Variants in CTDSPL observed in about 807,000 individuals in gnomAD.
CTDSPL encodes CTD small phosphatase-like protein.
CTDSPL carries 8 observed loss-of-function variants against 30.5 expected under a neutral mutation model. That is an observed-to-expected ratio of 0.26 (90% CI 0.15 to 0.47). CTDSPL has a LOEUF of 0.47. Among genes scored for constraint, CTDSPL ranks in the 20% least tolerant of loss-of-function variants. CTDSPL has a pLI of 0.99. For missense variants in CTDSPL, 248 were observed against 366.1 expected, an observed-to-expected ratio of 0.68 and a Z score of 2.63; for synonymous variants, 110 against 137.9, an observed-to-expected ratio of 0.80 and a Z score of 1.42.
intron 1 of CTDSPL, among the ~76,000 whole-genome samples, chr3:37,874,236 T>C (rs541273932): frequency 7.7e-4 from 118 of 152,318 alleles, no homozygotes; most frequent in African/African-American, 2.6e-3. Flanking sequence ...AGAACCCCGT[T>C]TGGCATGGCA....
chr3:37,876,492 T>A (rs1698135972), intron 1 of CTDSPL, among the ~76,000 whole-genome samples: 1 of 152,200 alleles, frequency 6.6e-6, no homozygotes, highest in Admixed American at 6.5e-5. Context: ...TGTCAGTTTT[T>A]AAATTTTAGC....
chr3:37,863,045 G>GAT (rs1697963272), intron 1 of CTDSPL, among the ~76,000 whole-genome samples: 1 of 152,204 alleles, frequency 6.6e-6, no homozygotes, highest in African/African-American at 2.4e-5. Context: ...CCATGTGTCT[G>GAT]GGTGTGTTTA....
intron 3 of CTDSPL, among the ~76,000 whole-genome samples, chr3:37,958,098 A>G (rs993004481): frequency 6.6e-6 from 1 of 152,252 alleles, no homozygotes; most frequent in Non-Finnish European, 1.5e-5. Flanking sequence ...GGGAACATAC[A>G]ATAGACACAG....
At chr3:37,938,603 C>T (rs1164871589) in intron 1 of CTDSPL, among the ~76,000 whole-genome samples, 2 of 149,896 alleles carry the variant, frequency 1.3e-5, no homozygotes, top group South Asian at 4.3e-4. Context: ...CTTCTTGGGC[C>T]ACTGAAGGAC....
intron 1 of CTDSPL, among the ~76,000 whole-genome samples, chr3:37,876,310 A>G (rs985642409): frequency 6.6e-6 from 1 of 152,160 alleles, no homozygotes; most frequent in Non-Finnish European, 1.5e-5. Context: ...AACCCAGGTT[A>G]AAAAGTTTCA....
chr3:37,874,456 C>T lies in CTDSPL; in HGVS notation c.79+12178C>T, dbSNP rs146084932. On this transcript the variant is annotated intron_variant, in intron 1 of 7. Coordinates refer to ENST00000273179, the MANE Select transcript of CTDSPL (RefSeq NM_001008392.2). ...ATTTAAATACAGACACAAGGCCGGG[C>T]GCGGTGGCTCAATGCCTGTAATCCC... is the stretch of plus-strand genomic sequence containing the variant. Among the ~76,000 whole-genome samples, 597 of 152,270 alleles carry T rather than the reference C, an allele frequency of 3.9e-3. 1 individual carries two copies. The highest frequency in any genetic ancestry group is 5.9e-3 in the Non-Finnish European group (403 of 68,016).
chr3:37,864,279 C>T (rs1284416599), intron 1 of CTDSPL, among the ~76,000 whole-genome samples: 1 of 152,230 alleles, frequency 6.6e-6, no homozygotes, highest in Non-Finnish European at 1.5e-5. Flanking sequence ...TGCCAACTTT[C>T]CCTTTTCCTC....
At chr3:37,936,569 A>G (rs967226745) in intron 1 of CTDSPL, among the ~76,000 whole-genome samples, 1 of 150,698 alleles carries the variant, frequency 6.6e-6, no homozygotes. Context: ...TGCATTCCAG[A>G]GATTACGGCC....
rs116015394 is a variant in CTDSPL, at chr3:37,963,311, C to G, written c.268-1260C>G. 1.7e-3 allele frequency among the ~76,000 whole-genome samples: 261 copies of G among 152,312 alleles called. 1 individual carries two copies. Among genetic ancestry groups the G allele is most frequent in the African/African-American group, 5.9e-3 (246 of 41,572 alleles). On this transcript the variant is annotated intron_variant, in intron 3 of 7. Coordinates refer to ENST00000273179, the MANE Select transcript of CTDSPL (RefSeq NM_001008392.2). ...GTGATCATTGTACTTGCAAATTTAC[C>G]TAACCTGTTGACTGCCTGTGTTACA... is the stretch of plus-strand genomic sequence containing the variant.
At position 37,903,213 on chromosome 3, in the gene CTDSPL, G is replaced by A. The variant is rs148539711; in HGVS notation, c.79+40935G>A. Among the ~76,000 whole-genome samples, 583 of 152,326 alleles carry A rather than the reference G, an allele frequency of 3.8e-3. 22 individuals are homozygous for A. The South Asian group carries it at 0.077, about 20-fold the overall frequency. On this transcript the variant is annotated intron_variant, in intron 1 of 7. Transcript: ENST00000273179. The stretch of plus-strand genomic sequence containing the variant: ...GGAAGGGGCAGCCGGTCCGATTGCT[G>A]GAATTCCTGAGGCAGACTTTGTTGT...
chr3:37,978,944 G>A (rs181583368), intron 7 of CTDSPL, among the ~76,000 whole-genome samples: 3 of 152,172 alleles, frequency 2.0e-5, no homozygotes, highest in South Asian at 2.1e-4. Flanking sequence ...CCAATACAAC[G>A]TTACGTTTTT....
At chr3:37,934,577 T>TA (rs1456049114) in intron 1 of CTDSPL, among the ~76,000 whole-genome samples, 2 of 152,202 alleles carry the variant, frequency 1.3e-5, no homozygotes, top group African/African-American at 2.4e-5. Context: ...TCTGAAAACT[T>TA]ACACTAATTA....
At chr3:37,929,962 G>T (rs1172469911) in intron 1 of CTDSPL, among the ~76,000 whole-genome samples, 1 of 152,036 alleles carries the variant, frequency 6.6e-6, no homozygotes, top group Non-Finnish European at 1.5e-5. Flanking sequence ...ACAAAAATTA[G>T]CTGGGCATGG....
At chr3:37,899,927 G>A (rs888100379) in intron 1 of CTDSPL, among the ~76,000 whole-genome samples, 8 of 152,080 alleles carry the variant, frequency 5.3e-5, no homozygotes, top group Non-Finnish European at 1.0e-4. Context: ...GATAATAATG[G>A]TACCTACAAG....
At chr3:37,907,103 C>T (rs550548940) in intron 1 of CTDSPL, among the ~76,000 whole-genome samples, 2 of 152,314 alleles carry the variant, frequency 1.3e-5, no homozygotes, top group African/African-American at 4.8e-5. Context: ...GGTATGTGCA[C>T]TTGCTGAGAC....
At chr3:37,901,008 G>C (rs1410460987) in intron 1 of CTDSPL, among the ~76,000 whole-genome samples, 1 of 152,132 alleles carries the variant, frequency 6.6e-6, no homozygotes, top group African/African-American at 2.4e-5. Flanking sequence ...TGTTGGCCAG[G>C]CTGGTCTCAA....
intron 3 of CTDSPL, among the ~76,000 whole-genome samples, chr3:37,963,428 A>G (rs541555403): frequency 1.5e-4 from 23 of 152,236 alleles, no homozygotes; most frequent in Non-Finnish European, 3.2e-4. Flanking sequence ...AGAGCCACGT[A>G]AAAGGAAATA....
At chr3:37,960,527 TATATATATACACACAC>T (rs1299358580) in intron 3 of CTDSPL, among the ~76,000 whole-genome samples, 125 of 63,566 alleles carry the variant, frequency 2.0e-3, no homozygotes, top group African/African-American at 2.5e-3. Context: ...TATATATATA[TATATATATACACACAC>T]ACACACACAC....
chr3:37,896,350 C>T (rs1007324674), intron 1 of CTDSPL, among the ~76,000 whole-genome samples: 2 of 152,016 alleles, frequency 1.3e-5, no homozygotes, highest in African/African-American at 4.8e-5. Flanking sequence ...GAGGGCATCA[C>T]CAAGGGGGCG....
Sources: gnomAD v4.1 joint callset for allele counts (sites outside exome capture counted in the v4.1 genomes callset) on GRCh38, gnomAD v4.1.1 for gene constraint, MANE v1.5 for transcripts, NCBI Gene and HGNC (gene_info 2026-07-23, HGNC 2026-07-21) for gene names.